CASC3: variants seen among roughly 807,000 people sequenced by gnomAD.
The protein encoded by CASC3 is CASC3 exon junction complex subunit, also known as protein CASC3.
Under a neutral mutation model 80.5 loss-of-function variants are expected in CASC3, and 30 were observed. The ratio of observed to expected loss-of-function variants is 0.37; its 90% CI spans 0.28 to 0.51. The LOEUF (loss-of-function observed/expected upper bound fraction) is 0.51. Among genes scored for constraint, CASC3 ranks in the 20% least tolerant of loss-of-function variants. The pLI is 0.94. For synonymous variants in CASC3, 312 were observed against 333.6 expected, an observed-to-expected ratio of 0.94 and a Z score of 0.70; for missense variants, 824 against 922.2, an observed-to-expected ratio of 0.89 and a Z score of 1.38.
At chr17:40,166,941 C>CTT (rs377329830) in intron 8 of CASC3, 80 bp downstream of exon 8, 199 of 748,684 alleles carry the variant, frequency 2.7e-4, no homozygotes, top group South Asian at 4.3e-4. Context: ...AAGATAAGGT[C>CTT]TTTTTTTTTT....
At chr17:40,168,124 T>C in intron 10 of CASC3, 79 bp from the exon 11 acceptor site, 1 of 1,396,320 alleles carries the variant, frequency 7.2e-7, no homozygotes, top group South Asian at 1.2e-5. Context: ...TGAGCCTGAT[T>C]ATACTGAGCA....
At chr17:40,149,019 G>A (rs1390518633) in intron 3 of CASC3, among the ~76,000 whole-genome samples, 1 of 152,062 alleles carries the variant, frequency 6.6e-6, no homozygotes, top group Non-Finnish European at 1.5e-5. Context: ...GGGATTACAG[G>A]TGCGTGCCAC....
At position 40,170,755 on chromosome 17, in the gene CASC3, C is replaced by T; in HGVS notation, c.*350C>T. The T allele has an allele frequency of 4.1e-6, 4 of 985,446 alleles. No individual in the cohort carries two copies. The highest frequency in any genetic ancestry group is 4.8e-6 in the Non-Finnish European group (4 of 829,852). 61.0% of individuals were successfully genotyped at this position (985,446 alleles called of 1,614,324 possible). ...GGGAAATTGAAGTGTCTTCTGTTCC[C>T]AAGGAAGCTCCTTCCTGTTTGTTTT... On this transcript the variant is annotated 3_prime_UTR_variant, in exon 14 of 14. Transcript: ENST00000264645.
chr17:40,166,103 A>G (rs1313348161), intron 7 of CASC3, among the ~76,000 whole-genome samples: 9 of 152,156 alleles, frequency 5.9e-5, no homozygotes, highest in Non-Finnish European at 1.3e-4. Context: ...TTAAGTGTCC[A>G]CATTTGGTTA....
intron 3 of CASC3, among the ~76,000 whole-genome samples, chr17:40,143,034 C>T (rs1465583604): frequency 6.6e-6 from 1 of 151,350 alleles, no homozygotes; most frequent in East Asian, 1.9e-4. Context: ...TGGCAGTGAG[C>T]TGAAATCATG....
At chr17:40,152,920 G>A (rs1989048092) in intron 3 of CASC3, among the ~76,000 whole-genome samples, 1 of 151,928 alleles carries the variant, frequency 6.6e-6, no homozygotes, top group Admixed American at 6.6e-5. Context: ...GGGATTACAA[G>A]CGCCCACCAC....
At position 40,166,794 on chromosome 17, in the gene CASC3, C is replaced by T. The variant is rs753190696; in HGVS notation, c.1472-3C>T. On this transcript the variant is annotated splice_region_variant and splice_polypyrimidine_tract_variant and intron_variant, in intron 7 of 13. Coordinates refer to ENST00000264645, the MANE Select transcript of CASC3 (RefSeq NM_007359.5). Reference sequence around the variant, plus strand: ...CAGAAGTGACTTTTTTGGTGTATTACAGGTATGCCCAACCATATACACATG... The same window carrying T: ...CAGAAGTGACTTTTTTGGTGTATTATAGGTATGCCCAACCATATACACATG... 6.9e-6 allele frequency: 11 copies of T among 1,590,966 alleles called. No homozygotes were observed. Among genetic ancestry groups the T allele is most frequent in the South Asian group, 1.2e-5 (1 of 85,726 alleles).
chr17:40,153,978 G>A (rs947077128), intron 3 of CASC3, among the ~76,000 whole-genome samples: 2 of 151,996 alleles, frequency 1.3e-5, no homozygotes, highest in African/African-American at 4.8e-5. Flanking sequence ...GGTGGCTGAG[G>A]CATAAGAATC....
At chr17:40,153,843 T>G (rs1177776687) in intron 3 of CASC3, among the ~76,000 whole-genome samples, 3 of 150,624 alleles carry the variant, frequency 2.0e-5, no homozygotes, top group Non-Finnish European at 4.4e-5. Context: ...GGAGGCCGAG[T>G]CAGACGGATC....
intron 3 of CASC3, among the ~76,000 whole-genome samples, chr17:40,152,063 CTTT>C (rs1598423937): frequency 6.6e-6 from 1 of 152,174 alleles, no homozygotes; most frequent in Admixed American, 6.5e-5. Flanking sequence ...CCTAGTTAAC[CTTT>C]TTGTATGTGT....
At chr17:40,141,281 TAAACTC>T in intron 2 of CASC3, 47 bp downstream of exon 2, 1 of 1,522,746 alleles carries the variant, frequency 6.6e-7, no homozygotes, top group Non-Finnish European at 9.1e-7. Context: ...TTTTTTAACA[TAAACTC>T]AGGTCATCTA....
rs558372528 is a variant in CASC3, at chr17:40,140,875, G to C, written c.231+96G>C. 9.9e-4 allele frequency: 968 copies of C among 975,804 alleles called. 1 individual carries two copies. Among genetic ancestry groups the C allele is most frequent in the Non-Finnish European group, 1.3e-3 (899 of 675,052 alleles). 60.4% of individuals were successfully genotyped at this position (975,804 alleles called of 1,614,324 possible). ...CTAGGTAGTCTGTGAGTTGATAGTA[G>C]ATACTGGGACTTTTTTTTGTTTTTG... On this transcript the variant is annotated intron_variant, in intron 1 of 13. Transcript: ENST00000264645.
intron 3 of CASC3, among the ~76,000 whole-genome samples, chr17:40,143,045 C>T (rs1332057841): frequency 6.6e-6 from 1 of 151,546 alleles, no homozygotes; most frequent in Non-Finnish European, 1.5e-5. Flanking sequence ...TGAAATCATG[C>T]CACTGCACTG....
intron 6 of CASC3, among the ~76,000 whole-genome samples, chr17:40,163,268 A>C (rs771040574): frequency 5.3e-5 from 8 of 151,940 alleles, no homozygotes; most frequent in Admixed American, 1.3e-4. Context: ...CTGAGTAGCC[A>C]GGATTACAGG....
chr17:40,165,533 C>T (rs961670969), intron 7 of CASC3, among the ~76,000 whole-genome samples: 2 of 152,042 alleles, frequency 1.3e-5, no homozygotes, highest in African/African-American at 4.8e-5. Context: ...TCATTTTCCA[C>T]AAAAAGTAGA....
In CASC3 at chr17:40,162,947, A is replaced by G. The variant is rs372132732; in HGVS notation, c.785+46A>G. 51 of 1,555,904 alleles carry G rather than the reference A, an allele frequency of 3.3e-5. No individual in the cohort carries two copies. The African/African-American group carries it at 6.4e-4, about 19-fold the overall frequency. On this transcript the variant is annotated intron_variant, in intron 6 of 13. Transcript: ENST00000264645. ...AAGACCAGGCTGGGTATGGTGGCTT[A>G]CGGTGGCTTACACCTGGAATCCCGG... is the stretch of plus-strand genomic sequence containing the variant.
intron 3 of CASC3, among the ~76,000 whole-genome samples, chr17:40,161,552 G>A (rs1989298898): frequency 2.6e-5 from 4 of 152,206 alleles, no homozygotes; most frequent in East Asian, 3.9e-4. Flanking sequence ...GGTAGTGGGC[G>A]CCTATAATCC....
At chr17:40,166,329 T>C (rs985536451) in intron 7 of CASC3, among the ~76,000 whole-genome samples, 3 of 152,186 alleles carry the variant, frequency 2.0e-5, no homozygotes, top group African/African-American at 7.2e-5. Context: ...TCTTGAGTCA[T>C]TTTAGCCAGA....
rs1012556815 is a variant in CASC3 at position 40,168,554 on chromosome 17, C to G, written c.1965+137C>G. 6.7e-5 allele frequency: 50 copies of G among 750,870 alleles called. No homozygotes were observed. In the South Asian group the frequency reaches 8.6e-4, roughly 13 times the overall value. 46.5% of individuals were successfully genotyped at this position (750,870 alleles called of 1,614,324 possible). A position where few individuals can be genotyped will look rare whatever the true frequency, so the allele number is the denominator to read the frequency against. On this transcript the variant is annotated intron_variant, in intron 11 of 13. Coordinates refer to ENST00000264645, the MANE Select transcript of CASC3 (RefSeq NM_007359.5). ...ATTTGTATGTGACACCAAGACGCCT[C>G]TTAGTGGTCAGGAGCTGGAAATGCA...
Sources: gnomAD v4.1 joint callset for allele counts (sites outside exome capture counted in the v4.1 genomes callset) on GRCh38, gnomAD v4.1.1 for gene constraint, MANE v1.5 for transcripts, NCBI Gene and HGNC (gene_info 2026-07-23, HGNC 2026-07-21) for gene names.